Variants in MGMT observed in about 807,000 individuals in gnomAD.
MGMT encodes the protein O-6-methylguanine-DNA methyltransferase, also known as methylated-DNA--protein-cysteine methyltransferase.
MGMT carries 14 observed loss-of-function variants against 15.9 expected under a neutral mutation model. The ratio of observed to expected loss-of-function variants is 0.88; its 90% CI spans 0.58 to 1.37. The LOEUF is 1.37. MGMT is among the 40% of genes most tolerant of loss of function. MGMT has a pLI of 0.00. For missense variants in MGMT, 282 were observed against 268.1 expected, an observed-to-expected ratio of 1.05 and a Z score of -0.36; for synonymous variants, 130 against 118.2, an observed-to-expected ratio of 1.10 and a Z score of -0.65.
chr10:129,717,346 G>A (rs1184306766), intron 3 of MGMT, among the ~76,000 whole-genome samples: 19 of 152,194 alleles, frequency 1.2e-4, no homozygotes, highest in African/African-American at 2.7e-4. Context: ...CCAGTCTCTC[G>A]TTAAAGAAGT....
At chr10:129,523,469 T>A (rs998567942) in intron 1 of MGMT, among the ~76,000 whole-genome samples, 1 of 152,210 alleles carries the variant, frequency 6.6e-6, no homozygotes, top group African/African-American at 2.4e-5. Flanking sequence ...GGCATGAGAC[T>A]GTGCTGAGGT....
intron 1 of MGMT, among the ~76,000 whole-genome samples, chr10:129,471,653 T>C (rs548539091): frequency 6.6e-6 from 1 of 152,254 alleles, no homozygotes; most frequent in Non-Finnish European, 1.5e-5. Flanking sequence ...TCAGAATTAC[T>C]GTGGGTGCTG....
At chr10:129,674,513 C>A (rs1327784380) in intron 2 of MGMT, among the ~76,000 whole-genome samples, 3 of 152,228 alleles carry the variant, frequency 2.0e-5, no homozygotes, top group Non-Finnish European at 2.9e-5. Flanking sequence ...CACATGGACC[C>A]CCTTGCTTAT....
At position 129,659,943 on chromosome 10, in the gene MGMT, G is replaced by C. The variant is rs1298412624; in HGVS notation, c.126-47952G>C. ...GCTCTCTATGGCATTAGTAGATGCT[G>C]GAAGATGAGGCCGTGTTTTCTCTTT... On this transcript the variant is annotated intron_variant, in intron 2 of 4. Transcript: ENST00000651593. The surrounding 1 kb of genome is among the most constrained non-coding windows in gnomAD (Gnocchi z 4.1). Among the ~76,000 whole-genome samples the C allele has an allele frequency of 2.6e-5, 4 of 152,178 alleles. No individual in the cohort carries two copies. The highest frequency in any genetic ancestry group is 9.7e-5 in the African/African-American group (4 of 41,432).
intron 2 of MGMT, among the ~76,000 whole-genome samples, chr10:129,641,281 A>C (rs990569563): frequency 6.6e-6 from 1 of 152,210 alleles, no homozygotes; most frequent in African/African-American, 2.4e-5. Context: ...ATATACTGAA[A>C]ACTACAAAAC....
At chr10:129,475,857 T>A (rs1361597564) in intron 1 of MGMT, among the ~76,000 whole-genome samples, 1 of 152,266 alleles carries the variant, frequency 6.6e-6, no homozygotes, top group East Asian at 1.9e-4. Context: ...TTCAACGTTA[T>A]CTACCCTCTT....
chr10:129,469,771 A>C (rs573013557), intron 1 of MGMT, among the ~76,000 whole-genome samples: 10 of 152,276 alleles, frequency 6.6e-5, no homozygotes, highest in African/African-American at 2.4e-4. Flanking sequence ...CAGTGGTGAG[A>C]TCATAGCTCC....
At chr10:129,620,217 TG>T (rs1259001056) in intron 2 of MGMT, among the ~76,000 whole-genome samples, 5 of 152,256 alleles carry the variant, frequency 3.3e-5, no homozygotes, top group African/African-American at 1.2e-4. Flanking sequence ...TGATAGGGAT[TG>T]TTTTTTAATA....
chr10:129,542,378 G>A (rs1846051762), intron 2 of MGMT, among the ~76,000 whole-genome samples: 1 of 152,100 alleles, frequency 6.6e-6, no homozygotes, highest in African/African-American at 2.4e-5. Context: ...AACCTTCCTG[G>A]GAACTTCACG....
At chr10:129,603,516 G>A (rs754922390) in intron 2 of MGMT, among the ~76,000 whole-genome samples, 6 of 152,162 alleles carry the variant, frequency 3.9e-5, no homozygotes, top group Admixed American at 2.0e-4. Flanking sequence ...TTTTTATTTG[G>A]TATTTCAAGA....
chr10:129,550,677 C>T (rs763934808), intron 2 of MGMT, among the ~76,000 whole-genome samples: 9 of 152,114 alleles, frequency 5.9e-5, no homozygotes, highest in Non-Finnish European at 1.0e-4. Context: ...ATCTCCTGAC[C>T]TCAGGTGATC....
intron 2 of MGMT, among the ~76,000 whole-genome samples, chr10:129,598,114 C>T (rs571103908): frequency 2.6e-5 from 4 of 152,220 alleles, no homozygotes; most frequent in South Asian, 2.1e-4. Context: ...TTCTAGGCAC[C>T]GTGGATGCGG....
intron 2 of MGMT, 195 bp downstream of exon 2, chr10:129,536,572 G>C (rs1845987647): frequency 4.9e-6 from 3 of 609,996 alleles, no homozygotes; most frequent in Non-Finnish European, 8.1e-6. Flanking sequence ...GTGTTGCCCA[G>C]GAGCTCTCCA....
chr10:129,722,727 C>G (rs1012698130), intron 3 of MGMT, among the ~76,000 whole-genome samples: 1 of 152,062 alleles, frequency 6.6e-6, no homozygotes, highest in African/African-American at 2.4e-5. Context: ...TCTTGTTGGC[C>G]AGGCATGGTG....
intron 3 of MGMT, among the ~76,000 whole-genome samples, chr10:129,754,941 G>C (rs545372074): frequency 6.6e-6 from 1 of 152,024 alleles, no homozygotes; most frequent in South Asian, 2.1e-4. Flanking sequence ...CGAGCCCCTA[G>C]GGGGCTCCCC....
At chr10:129,483,089 CT>C (rs1252541786) in intron 1 of MGMT, among the ~76,000 whole-genome samples, 1 of 152,084 alleles carries the variant, frequency 6.6e-6, no homozygotes, top group Non-Finnish European at 1.5e-5. Flanking sequence ...TTAGTGGCTG[CT>C]TTAGGATGTG....
rs923124736 is a variant in MGMT at position 129,556,360 on chromosome 10, C to T, written c.125+19983C>T. ...CCTCACCCAGTGTGACCGGTGTCCC[C>T]ATGAGATGGAGGTTGTGGCACAGAC... On this transcript the variant is annotated intron_variant, in intron 2 of 4. Transcript: ENST00000651593. The surrounding 1 kb of genome is among the most constrained non-coding windows in gnomAD (Gnocchi z 4.3). Among the ~76,000 whole-genome samples, 4 of 152,122 alleles carry T rather than the reference C, an allele frequency of 2.6e-5. No homozygotes were observed. Among genetic ancestry groups the T allele is most frequent in the Non-Finnish European group, 4.4e-5 (3 of 68,030 alleles).
chr10:129,738,371 C>A lies in MGMT; in HGVS notation c.275-20831C>A, dbSNP rs371278771. On this transcript the variant is annotated intron_variant, in intron 3 of 4. Transcript: ENST00000651593. Reference sequence around the variant, plus strand: ...ACTAGGAAAGGGAACTCCCTGACCCCTTGCGCTTCCGGAGTGAGGCAATGC... The same window carrying A: ...ACTAGGAAAGGGAACTCCCTGACCCATTGCGCTTCCGGAGTGAGGCAATGC... 6.7e-4 allele frequency among the ~76,000 whole-genome samples: 102 copies of A among 152,380 alleles called. 1 individual carries two copies. The East Asian group carries it at 0.011, about 17-fold the overall frequency.
intron 2 of MGMT, among the ~76,000 whole-genome samples, chr10:129,689,855 A>G (rs747309683): frequency 1.3e-5 from 2 of 152,248 alleles, no homozygotes; most frequent in African/African-American, 2.4e-5. Context: ...CAACAAAACA[A>G]TGCCTGGGAA....
Sources: allele counts gnomAD v4.1 joint callset (sites outside exome capture counted in the v4.1 genomes callset), GRCh38; gene constraint gnomAD v4.1.1; non-coding constraint Gnocchi (gnomAD v3.1); transcripts MANE v1.5; gene names NCBI Gene and HGNC (gene_info 2026-07-23, HGNC 2026-07-21).